Variants in TRAPPC9 observed in about 807,000 individuals in gnomAD.
TRAPPC9 encodes IKK2 binding protein.
TRAPPC9 carries 83 observed loss-of-function variants against 124.0 expected under a neutral mutation model. That is an observed-to-expected ratio of 0.67 (90% CI 0.56 to 0.80). The LOEUF (loss-of-function observed/expected upper bound fraction) is 0.80, where lower values mean the gene tolerates loss of function less well. Among genes scored for constraint, TRAPPC9 ranks in the 30% least tolerant of loss-of-function variants. The pLI is 0.00. For missense variants in TRAPPC9, 1,302 were observed against 1,508.3 expected, an observed-to-expected ratio of 0.86 and a Z score of 2.27; for synonymous variants, 638 against 617.5, an observed-to-expected ratio of 1.03 and a Z score of -0.49.
At chr8:139,982,365 C>G (rs1836964898) in intron 19 of TRAPPC9, among the ~76,000 whole-genome samples, 1 of 152,192 alleles carries the variant, frequency 6.6e-6, no homozygotes, top group African/African-American at 2.4e-5. Flanking sequence ...TGACTGCATG[C>G]CCCTGGTGGG....
intron 21 of TRAPPC9, among the ~76,000 whole-genome samples, chr8:139,828,605 TTTG>T (rs1825785778): frequency 6.6e-6 from 1 of 152,192 alleles, no homozygotes; most frequent in African/African-American, 2.4e-5. Flanking sequence ...GCAATTAATA[TTTG>T]TTGCTTGAGT....
intron 19 of TRAPPC9, among the ~76,000 whole-genome samples, chr8:139,929,784 G>T (rs538558444): frequency 6.6e-6 from 1 of 152,314 alleles, no homozygotes; most frequent in Admixed American, 6.5e-5. Flanking sequence ...AGCAAGCCTG[G>T]GCAGCGCTGG....
chr8:140,042,937 C>G (rs963125578), intron 17 of TRAPPC9, among the ~76,000 whole-genome samples: 29 of 152,350 alleles, frequency 1.9e-4, no homozygotes, highest in African/African-American at 6.5e-4. Flanking sequence ...CGGCTCCCAT[C>G]TGAGGGACTC....
At chr8:140,260,085 G>A (rs147673299) in intron 15 of TRAPPC9, among the ~76,000 whole-genome samples, 28 of 152,132 alleles carry the variant, frequency 1.8e-4, no homozygotes, top group African/African-American at 6.3e-4. Flanking sequence ...AATTTTTGAC[G>A]ATAAGTATAC....
intron 15 of TRAPPC9, among the ~76,000 whole-genome samples, chr8:140,273,107 G>C (rs1043640281): frequency 5.9e-5 from 9 of 152,176 alleles, no homozygotes; most frequent in African/African-American, 2.2e-4. Flanking sequence ...GCCCTCCCCA[G>C]AGGTCTGGGT....
chr8:140,215,864 C>A (rs897224080), intron 17 of TRAPPC9: 2 of 152,200 alleles, frequency 1.3e-5, no homozygotes, highest in African/African-American at 2.4e-5. Context: ...TCAGTTCCCA[C>A]GCTAAAGCCG....
intron 4 of TRAPPC9, among the ~76,000 whole-genome samples, chr8:140,428,200 C>T (rs576296999): frequency 1.3e-5 from 2 of 152,202 alleles, no homozygotes; most frequent in Admixed American, 6.5e-5. Context: ...CTTTTGATGC[C>T]CCAGAGTTAT....
chr8:140,025,792 T>A (rs1227651682), intron 17 of TRAPPC9, among the ~76,000 whole-genome samples: 2 of 152,220 alleles, frequency 1.3e-5, no homozygotes, highest in African/African-American at 4.8e-5. Context: ...AAATGAGTTT[T>A]AGTCCCGTTT....
intron 18 of TRAPPC9, among the ~76,000 whole-genome samples, chr8:139,991,760 A>C (rs1677401525): frequency 6.6e-6 from 1 of 152,068 alleles, no homozygotes; most frequent in African/African-American, 2.4e-5. Flanking sequence ...TATTTTGGGA[A>C]TCTGTAGTCA....
At chr8:140,261,938 C>T (rs1423991493) in intron 15 of TRAPPC9, among the ~76,000 whole-genome samples, 2 of 152,208 alleles carry the variant, frequency 1.3e-5, no homozygotes, top group Non-Finnish European at 2.9e-5. Flanking sequence ...ATACTAGTTA[C>T]TGTTACTTAA....
intron 5 of TRAPPC9, among the ~76,000 whole-genome samples, chr8:140,424,640 CAA>C (rs60819949): frequency 5.3e-4 from 34 of 64,198 alleles, no homozygotes; most frequent in Non-Finnish European, 5.9e-4. Flanking sequence ...AACCTGTCTC[CAA>C]AAAAAAAAAA....
At chr8:140,272,130 C>CAATGATGATGGTGAT (rs1450234909) in intron 15 of TRAPPC9, among the ~76,000 whole-genome samples, 2 of 100,382 alleles carry the variant, frequency 2.0e-5, no homozygotes, top group African/African-American at 6.8e-5. Context: ...GTGATGGTGG[C>CAATGATGATGGTGAT]GATGGTGATG....
chr8:139,864,707 G>C (rs1309514736), intron 21 of TRAPPC9, among the ~76,000 whole-genome samples: 1 of 118,290 alleles, frequency 8.5e-6, no homozygotes, highest in Non-Finnish European at 2.0e-5. Flanking sequence ...AGCAAGCCCT[G>C]CAGGGCTGTG....
At chr8:140,443,255 G>GCA in intron 2 of TRAPPC9, among the ~76,000 whole-genome samples, 1 of 148,202 alleles carries the variant, frequency 6.7e-6, no homozygotes, top group East Asian at 2.0e-4. Flanking sequence ...CTAACATGAT[G>GCA]AAACCCCGTC....
At chr8:139,865,726 A>C (rs192470702) in intron 21 of TRAPPC9, among the ~76,000 whole-genome samples, 5 of 152,284 alleles carry the variant, frequency 3.3e-5, no homozygotes, top group Admixed American at 3.3e-4. Flanking sequence ...CAGTTGGTCC[A>C]GGGAGGGGGA....
chr8:139,982,220 T>C (rs1427121326), intron 19 of TRAPPC9, among the ~76,000 whole-genome samples: 2 of 152,198 alleles, frequency 1.3e-5, no homozygotes, highest in Non-Finnish European at 2.9e-5. Context: ...CTGTTTCCGG[T>C]TGTGCATGGA....
intron 20 of TRAPPC9, among the ~76,000 whole-genome samples, chr8:139,902,016 T>C (rs528849238): frequency 2.6e-5 from 4 of 152,330 alleles, no homozygotes; most frequent in African/African-American, 9.6e-5. Flanking sequence ...ATGATTCTAT[T>C]ACATAAGCTA....
At chr8:140,025,812 T>C (rs1587525635) in intron 17 of TRAPPC9, among the ~76,000 whole-genome samples, 3 of 152,316 alleles carry the variant, frequency 2.0e-5, no homozygotes, top group African/African-American at 7.2e-5. Context: ...TCTTCTAGTT[T>C]TGTTTTATAT....
At chr8:140,356,261 C>T (rs2067740126) in intron 9 of TRAPPC9, among the ~76,000 whole-genome samples, 1 of 152,180 alleles carries the variant, frequency 6.6e-6, no homozygotes, top group Non-Finnish European at 1.5e-5. Flanking sequence ...TCTGTTCTTC[C>T]CGGCGGCCAT....
Sources: allele counts gnomAD v4.1 joint callset (sites outside exome capture counted in the v4.1 genomes callset), GRCh38; gene constraint gnomAD v4.1.1; transcripts MANE v1.5; gene names NCBI Gene and HGNC (gene_info 2026-07-23, HGNC 2026-07-21).